Variants in TYR observed in about 807,000 individuals in gnomAD.
TYR encodes the protein LB24-AB.
A neutral mutation model predicts 51.5 loss-of-function variants in TYR; 58 were observed. The ratio of observed to expected loss-of-function variants is 1.13; its 90% CI spans 0.91 to 1.40. The LOEUF (loss-of-function observed/expected upper bound fraction) is 1.40, where lower values mean the gene tolerates loss of function less well. Among genes scored for constraint, TYR ranks in the 40% most tolerant of loss-of-function variants. The pLI is 0.00. For missense variants in TYR, 732 were observed against 647.4 expected (o/e 1.13, Z -1.42); for synonymous variants, 263 against 235.2 (o/e 1.12, Z -1.08).
At chr11:89,223,809 T>G (rs1943943107) in intron 2 of TYR, among the ~76,000 whole-genome samples, 1 of 152,116 alleles carries the variant, frequency 6.6e-6, no homozygotes, top group Admixed American at 6.6e-5. Context: ...TAATCTGGTA[T>G]GTATTACAAA....
chr11:89,209,816 G>T (rs1943727997), intron 2 of TYR, among the ~76,000 whole-genome samples: 1 of 152,148 alleles, frequency 6.6e-6, no homozygotes. Context: ...GTGATACCCA[G>T]GCAAACAGGG....
At chr11:89,255,940 C>T (rs1944385940) in intron 3 of TYR, among the ~76,000 whole-genome samples, 1 of 151,328 alleles carries the variant, frequency 6.6e-6, no homozygotes, top group Non-Finnish European at 1.5e-5. Context: ...ACTTGCTGGT[C>T]TAGTATCTTC....
rs1943251150 is a variant in TYR at position 89,178,228 on chromosome 11, C to T, written c.275C>T (p.Ser92Phe). Residue 92 changes from serine (S) to phenylalanine (F), a missense_variant, in exon 1 of 5, where the codon TCT becomes TTT. Physicochemically the swap from Ser to Phe is radical, Grantham distance 155. Coordinates refer to ENST00000263321, the MANE Select transcript of TYR (RefSeq NM_000372.5). ...SVFYNRTCQC[S>F]GNFMGFNCGN... ...TTTTATAATAGGACCTGCCAGTGCT[C>T]TGGCAACTTCATGGGATTCAACTGT... 1 of 1,614,068 alleles carries T rather than the reference C, an allele frequency of 6.2e-7. No homozygotes were observed. The highest frequency in any genetic ancestry group is 8.5e-7 in the Non-Finnish European group (1 of 1,180,046).
chr11:89,237,398 C>T lies in TYR; in HGVS notation c.1184+9428C>T, dbSNP rs893191339. On this transcript the variant is annotated intron_variant, in intron 3 of 4. Transcript: ENST00000263321. ...TTTATATATGGTGTGAGATAAGTGT[C>T]TAATTTCATTATTCTGAATGTGACT... is the stretch of plus-strand genomic sequence containing the variant. Among the ~76,000 whole-genome samples the T allele has an allele frequency of 5.3e-5, 8 of 152,214 alleles. No homozygotes were observed. The South Asian group carries it at 8.3e-4, about 16-fold the overall frequency.
intron 3 of TYR, among the ~76,000 whole-genome samples, chr11:89,228,417 G>A (rs942364723): frequency 6.6e-6 from 1 of 152,130 alleles, no homozygotes; most frequent in Non-Finnish European, 1.5e-5. Flanking sequence ...TGTGGCCCCA[G>A]TACCCAAGGG....
At chr11:89,212,152 C>T (rs569637949) in intron 2 of TYR, among the ~76,000 whole-genome samples, 84 of 152,108 alleles carry the variant, frequency 5.5e-4, no homozygotes, top group Middle Eastern at 3.4e-3. Flanking sequence ...AATGAATCCA[C>T]GAGCTGTTTT....
rs61153289 is a variant in TYR, at chr11:89,203,209, C to T, written c.1036+11791C>T. ...TGAGACAGGTTTTCCCTTGATTTTA[C>T]GGATAGGGAACCTGATAGTCACATG... On this transcript the variant is annotated intron_variant, in intron 2 of 4. Transcript: ENST00000263321. Among the ~76,000 whole-genome samples, 83 of 152,230 alleles carry T rather than the reference C, an allele frequency of 5.5e-4. 1 individual carries two copies. The highest frequency in any genetic ancestry group is 5.2e-3 in the Admixed American group (79 of 15,288).
chr11:89,278,987 T>C (rs547131920), intron 3 of TYR, among the ~76,000 whole-genome samples: 27 of 151,778 alleles, frequency 1.8e-4, no homozygotes, highest in African/African-American at 5.8e-4. Context: ...TTCTCATGAT[T>C]AAACTGGGAT....
intron 2 of TYR, among the ~76,000 whole-genome samples, chr11:89,204,256 C>G (rs975233653): frequency 5.3e-5 from 8 of 152,158 alleles, no homozygotes; most frequent in African/African-American, 1.9e-4. Flanking sequence ...ATTCTTACCT[C>G]TCCTAGCAAG....
chr11:89,236,303 G>T (rs529448785), intron 3 of TYR, among the ~76,000 whole-genome samples: 30 of 151,902 alleles, frequency 2.0e-4, no homozygotes, highest in Middle Eastern at 3.4e-3. Flanking sequence ...TATATTTAAA[G>T]AAAGTACTAT....
intron 2 of TYR, among the ~76,000 whole-genome samples, chr11:89,194,684 C>CTATCT (rs201244914): frequency 7.5e-6 from 1 of 133,266 alleles, no homozygotes; most frequent in Admixed American, 7.3e-5. Context: ...ATCTATCTAT[C>CTATCT]ATCTATCTAT....
intron 1 of TYR, among the ~76,000 whole-genome samples, chr11:89,180,437 T>C (rs1943285452): frequency 6.6e-6 from 1 of 152,168 alleles, no homozygotes; most frequent in South Asian, 2.1e-4. Flanking sequence ...AGATGTGTAA[T>C]ACCAGATGCT....
chr11:89,228,574 T>C (rs1418772300), intron 3 of TYR, among the ~76,000 whole-genome samples: 3 of 152,240 alleles, frequency 2.0e-5, no homozygotes, highest in African/African-American at 7.2e-5. Flanking sequence ...TCTTTCCTTC[T>C]GGAAATTGTA....
rs28940876 is a variant in TYR at position 89,178,195 on chromosome 11, C to T, written c.242C>T (p.Pro81Leu). 2.1e-4 allele frequency: 345 copies of T among 1,614,026 alleles called. No homozygotes were observed. The highest frequency in any genetic ancestry group is 2.8e-4 in the Non-Finnish European group (329 of 1,180,030). The change falls in exon 1 of 5, where the codon CCT becomes CTT. Residue 81 changes from proline to leucine, a missense_variant. Coordinates refer to ENST00000263321, the MANE Select transcript of TYR (RefSeq NM_000372.5). ...FTGVDDRESW[P>L]SVFYNRTCQC... Reference sequence around the variant, plus strand: ...GGGGTGGATGACCGGGAGTCGTGGCCTTCCGTCTTTTATAATAGGACCTGC... The same window carrying T: ...GGGGTGGATGACCGGGAGTCGTGGCTTTCCGTCTTTTATAATAGGACCTGC...
chr11:89,216,016 T>A (rs1311443755), intron 2 of TYR, among the ~76,000 whole-genome samples: 1 of 152,198 alleles, frequency 6.6e-6, no homozygotes, highest in Non-Finnish European at 1.5e-5. Context: ...GATTTTGGTA[T>A]CTTTAATCAA....
chr11:89,186,022 T>C (rs1468763725), intron 1 of TYR, among the ~76,000 whole-genome samples: 9 of 152,116 alleles, frequency 5.9e-5, no homozygotes, highest in African/African-American at 2.2e-4. Flanking sequence ...TTTTTACTAA[T>C]TATTTGCTTT....
intron 3 of TYR, among the ~76,000 whole-genome samples, chr11:89,242,139 G>A (rs1451594296): frequency 2.6e-5 from 4 of 152,046 alleles, no homozygotes; most frequent in Non-Finnish European, 2.9e-5. Context: ...AAAGATGAGT[G>A]TCCAGGATAA....
At chr11:89,250,098 G>T (rs1423627053) in intron 3 of TYR, among the ~76,000 whole-genome samples, 3 of 151,984 alleles carry the variant, frequency 2.0e-5, no homozygotes, top group African/African-American at 7.2e-5. Flanking sequence ...GTTTGTGTAA[G>T]TTAGAGAAAA....
chr11:89,188,109 C>G (rs67946572), intron 1 of TYR, among the ~76,000 whole-genome samples: 11,277 of 150,202 alleles, frequency 0.075, 509 homozygotes, highest in African/African-American at 0.12. Context: ...GTTTTACTGT[C>G]TCACCCACTC....
Sources: allele counts gnomAD v4.1 joint callset (sites outside exome capture counted in the v4.1 genomes callset), GRCh38; gene constraint gnomAD v4.1.1; transcripts MANE v1.5; gene names NCBI Gene and HGNC (gene_info 2026-07-23, HGNC 2026-07-21).